The following HSD17B11 variants were observed in gnomAD, a reference collection of about 807,000 sequenced individuals.
HSD17B11 encodes the protein estradiol 17-beta-dehydrogenase 11.
HSD17B11 carries 22 observed loss-of-function variants against 27.8 expected under a neutral mutation model. That is an observed-to-expected ratio of 0.79 (90% CI 0.56 to 1.13). The LOEUF is 1.13. HSD17B11 is among the 50% of genes most tolerant of loss of function. HSD17B11 has a pLI of 0.00. For missense variants in HSD17B11, 314 were observed against 351.1 expected (o/e 0.89, Z 0.84); for synonymous variants, 117 against 132.8 (o/e 0.88, Z 0.82).
At chr4:87,343,294 T>G (rs561510945) in intron 5 of HSD17B11, among the ~76,000 whole-genome samples, 1 of 152,204 alleles carries the variant, frequency 6.6e-6, no homozygotes, top group Non-Finnish European at 1.5e-5. Context: ...AATGTCAGTA[T>G]GTGGAAACAT....
chr4:87,353,144 C>T lies in HSD17B11; in HGVS notation c.695+4135G>A, dbSNP rs961548020. Among the ~76,000 whole-genome samples, 3 of 101,030 alleles carry T rather than the reference C, an allele frequency of 3.0e-5. 1 individual carries two copies. Among genetic ancestry groups the T allele is most frequent in the Non-Finnish European group, 6.0e-5 (3 of 50,114 alleles). 66.3% of individuals were successfully genotyped at this position (101,030 alleles called of 152,430 possible). A position where few individuals can be genotyped will look rare whatever the true frequency, so the allele number is the denominator to read the frequency against. ...CCTATTCGGCCATCTTGGCTCCTCC[C>T]TCTAGTATTCTGGATTTTTAACAGC... On this transcript the variant is annotated intron_variant, in intron 5 of 6. Transcript: ENST00000358290.
intron 1 of HSD17B11, among the ~76,000 whole-genome samples, chr4:87,384,852 C>T (rs1720266524): frequency 6.6e-6 from 1 of 152,030 alleles, no homozygotes; most frequent in Non-Finnish European, 1.5e-5. Flanking sequence ...TTTGTACCTA[C>T]TCCCTGTTCT....
intron 2 of HSD17B11, among the ~76,000 whole-genome samples, chr4:87,377,342 C>T (rs1318131650): frequency 6.6e-6 from 1 of 151,560 alleles, no homozygotes; most frequent in Non-Finnish European, 1.5e-5. Flanking sequence ...CCCAGCTGCT[C>T]AGGAGGCTGA....
intron 3 of HSD17B11, among the ~76,000 whole-genome samples, chr4:87,374,162 T>C (rs555669206): frequency 2.0e-5 from 3 of 152,152 alleles, no homozygotes; most frequent in East Asian, 1.9e-4. Context: ...CCATCTCTAC[T>C]AAAAATACAA....
chr4:87,389,457 C>T (rs1324059143), intron 1 of HSD17B11, among the ~76,000 whole-genome samples: 4 of 152,174 alleles, frequency 2.6e-5, no homozygotes, highest in Non-Finnish European at 5.9e-5. Context: ...CTCCTGACCT[C>T]AGGTCATCTG....
chr4:87,372,888 A>C, intron 3 of HSD17B11, 73 bp from the exon 4 acceptor site: 1 of 905,464 alleles, frequency 1.1e-6, no homozygotes, highest in Admixed American at 2.3e-5. Flanking sequence ...AATATTTTGA[A>C]ACAAAAGTAT....
At chr4:87,378,120 A>C (rs1448633681) in intron 2 of HSD17B11, among the ~76,000 whole-genome samples, 1 of 152,226 alleles carries the variant, frequency 6.6e-6, no homozygotes, top group Non-Finnish European at 1.5e-5. Context: ...TCAATCTGCC[A>C]TGCTGAAGGC....
intron 4 of HSD17B11, among the ~76,000 whole-genome samples, chr4:87,362,553 TA>T (rs2110119987): frequency 6.6e-6 from 1 of 152,202 alleles, no homozygotes; most frequent in South Asian, 2.1e-4. Context: ...AAATAATAAA[TA>T]AAATGAATAA....
At position 87,378,958 on chromosome 4, in the gene HSD17B11, ATATT is replaced by A. The variant is rs1720050886; in HGVS notation, c.318+3293_318+3296del. 2.2e-4 allele frequency among the ~76,000 whole-genome samples: 6 copies of A among 27,142 alleles called. 1 individual carries two copies. Among genetic ancestry groups the A allele is most frequent in the African/African-American group, 8.6e-4 (3 of 3,494 alleles). 17.8% of individuals were successfully genotyped at this position (27,142 alleles called of 152,430 possible). A position where few individuals can be genotyped will look rare whatever the true frequency, so the allele number is the denominator to read the frequency against. ...TATATATATATATATTTATATATAT[ATATT>A]TTTTTTTTTTTTTGAGATGGTGTCT... On this transcript the variant is annotated intron_variant, in intron 2 of 6. Coordinates refer to ENST00000358290, the MANE Select transcript of HSD17B11 (RefSeq NM_016245.5).
chr4:87,358,063 G>A (rs990330855), intron 4 of HSD17B11, among the ~76,000 whole-genome samples: 19 of 139,476 alleles, frequency 1.4e-4, no homozygotes, highest in South Asian at 2.4e-4. Flanking sequence ...CCGGGTTCCC[G>A]CCATTCTCCT....
intron 6 of HSD17B11, among the ~76,000 whole-genome samples, chr4:87,339,672 A>G (rs1735127970): frequency 6.6e-6 from 1 of 152,182 alleles, no homozygotes; most frequent in African/African-American, 2.4e-5. Flanking sequence ...GGAATGAAGC[A>G]GTGTGTTATG....
chr4:87,379,664 ATAT>A lies in HSD17B11; in HGVS notation c.318+2588_318+2590del, dbSNP rs535418910. On this transcript the variant is annotated intron_variant, in intron 2 of 6. Coordinates refer to ENST00000358290, the MANE Select transcript of HSD17B11 (RefSeq NM_016245.5). Reference sequence around the variant, plus strand: ...TTATATGTATATGTATGTATATTATATATTAATAGTATAATATAGTATTAGTAT... The same window carrying A: ...TTATATGTATATGTATGTATATTATATAATAGTATAATATAGTATTAGTAT... 4.0e-3 allele frequency among the ~76,000 whole-genome samples: 576 copies of A among 144,702 alleles called. 3 individuals are homozygous for A. The highest frequency in any genetic ancestry group is 0.014 in the African/African-American group (536 of 39,362). The allele number at this position is 144,702 out of a possible 152,430, so 94.9% of individuals were successfully genotyped here. A position where few individuals can be genotyped will look rare whatever the true frequency, so the allele number is the denominator to read the frequency against.
intron 5 of HSD17B11, among the ~76,000 whole-genome samples, chr4:87,354,280 T>C (rs1323290054): frequency 6.6e-6 from 1 of 151,842 alleles, no homozygotes; most frequent in Non-Finnish European, 1.5e-5. Context: ...GCCTGACCAA[T>C]ATGATGAAAC....
intron 2 of HSD17B11, among the ~76,000 whole-genome samples, chr4:87,378,010 T>C (rs75684700): frequency 0.034 from 5,251 of 152,234 alleles, 334 homozygotes; most frequent in African/African-American, 0.12. Flanking sequence ...AAGATGGAGC[T>C]GGGACTCTCC....
At chr4:87,364,218 A>C (rs1316789555) in intron 4 of HSD17B11, among the ~76,000 whole-genome samples, 1 of 150,130 alleles carries the variant, frequency 6.7e-6, no homozygotes, top group Non-Finnish European at 1.5e-5. Context: ...AACTTCTGGT[A>C]GCTTGGGACT....
intron 2 of HSD17B11, among the ~76,000 whole-genome samples, chr4:87,376,347 A>G (rs1160173222): frequency 2.0e-5 from 3 of 152,002 alleles, no homozygotes; most frequent in Non-Finnish European, 4.4e-5. Context: ...TCTACTAAAA[A>G]TACAAAAATT....
intron 2 of HSD17B11, among the ~76,000 whole-genome samples, chr4:87,378,960 A>ATATATATT (rs1720051475): frequency 1.2e-4 from 3 of 25,624 alleles, no homozygotes; most frequent in African/African-American, 6.1e-4. Flanking sequence ...ATATATATAT[A>ATATATATT]TTTTTTTTTT....
intron 4 of HSD17B11, among the ~76,000 whole-genome samples, chr4:87,358,118 T>C (rs996102162): frequency 4.0e-5 from 6 of 151,892 alleles, no homozygotes; most frequent in Non-Finnish European, 5.9e-5. Flanking sequence ...CCCGCCACCA[T>C]GCTCGGCTAA....
chr4:87,369,720 G>GC (rs1387691990), intron 4 of HSD17B11, among the ~76,000 whole-genome samples: 81 of 152,260 alleles, frequency 5.3e-4, no homozygotes, highest in African/African-American at 1.9e-3. Flanking sequence ...ACAGGTGTCA[G>GC]CCACCATGCC....
Sources: gnomAD v4.1 joint callset for allele counts (sites outside exome capture counted in the v4.1 genomes callset) on GRCh38, gnomAD v4.1.1 for gene constraint, MANE v1.5 for transcripts, NCBI Gene and HGNC (gene_info 2026-07-23, HGNC 2026-07-21) for gene names.